Variants in RALGPS2 observed in about 807,000 individuals in gnomAD.
RALGPS2 encodes Ral GEF with PH domain and SH3 binding motif 2, also known as ras-specific guanine nucleotide-releasing factor RalGPS2.
RALGPS2 carries 43 observed loss-of-function variants against 86.8 expected under a neutral mutation model. The ratio of observed to expected loss-of-function variants is 0.50; its 90% CI spans 0.39 to 0.64. The LOEUF is 0.64. Ranked by LOEUF, RALGPS2 falls within the 30% of genes least tolerant of loss-of-function variation. The pLI is 0.00. For synonymous variants in RALGPS2, 243 were observed against 231.3 expected, an observed-to-expected ratio of 1.05 and a Z score of -0.46; for missense variants, 536 against 694.6, an observed-to-expected ratio of 0.77 and a Z score of 2.57.
At chr1:178,892,350 G>T in intron 15 of RALGPS2, 43 bp downstream of exon 15, 1 of 1,551,310 alleles carries the variant, frequency 6.4e-7, no homozygotes, top group Non-Finnish European at 8.9e-7. Flanking sequence ...CTCCCTTATG[G>T]TGTTGGTGAT....
chr1:178,784,360 T>C, intron 2 of RALGPS2, 58 bp from the exon 3 acceptor site: 1 of 1,362,490 alleles, frequency 7.3e-7, no homozygotes, highest in Non-Finnish European at 1.0e-6. Context: ...CAATCTAGTT[T>C]CTATCACTTG....
chr1:178,769,082 G>A lies in RALGPS2; in HGVS notation c.-83-7600G>A, dbSNP rs1265735251. 2.0e-5 allele frequency among the ~76,000 whole-genome samples: 3 copies of A among 151,534 alleles called. No individual in the cohort carries two copies. In the East Asian group the frequency reaches 5.9e-4, roughly 30 times the overall value. ...CCCCTGCACCTGGATCTCTGCACAG[G>A]AAAGGTGGGGCTGTTCAGGCTACCA... On this transcript the variant is annotated intron_variant, in intron 1 of 19. Transcript: ENST00000367635.
chr1:178,748,333 AAAG>A (rs1342312686), intron 1 of RALGPS2, among the ~76,000 whole-genome samples: 58 of 152,152 alleles, frequency 3.8e-4, no homozygotes, highest in African/African-American at 6.0e-4. Flanking sequence ...AAAAAAAAAA[AAAG>A]AAGTTAACGT....
chr1:178,911,124 A>G (rs1660605354), intron 19 of RALGPS2, among the ~76,000 whole-genome samples: 1 of 151,754 alleles, frequency 6.6e-6, no homozygotes, highest in South Asian at 2.1e-4. Context: ...TCTGATTGTG[A>G]TTATTTGGAT....
At chr1:178,785,222 G>A (rs1653592420) in intron 3 of RALGPS2, among the ~76,000 whole-genome samples, 1 of 151,984 alleles carries the variant, frequency 6.6e-6, no homozygotes, top group Non-Finnish European at 1.5e-5. Context: ...ACCACTGTTT[G>A]AGGAGCTGTA....
At chr1:178,779,255 G>A (rs1653260522) in intron 2 of RALGPS2, among the ~76,000 whole-genome samples, 1 of 152,238 alleles carries the variant, frequency 6.6e-6, no homozygotes, top group South Asian at 2.1e-4. Context: ...TATTATGATT[G>A]TATTTTTGCC....
intron 1 of RALGPS2, among the ~76,000 whole-genome samples, chr1:178,743,007 G>A (rs1321697470): frequency 4.6e-5 from 7 of 152,182 alleles, no homozygotes; most frequent in Non-Finnish European, 8.8e-5. Context: ...CTTATGGCCA[G>A]GAGTTCAAGG....
Position 178,785,585 on chromosome 1 carries a change from T to C in RALGPS2, c.191T>C (p.Val64Ala). Residue 64 changes from valine (V) to alanine (A), a missense_variant, in exon 4 of 20, where the codon GTA (valine) becomes GCA (alanine). Val to Ala is a moderately conservative substitution (Grantham distance 64). Coordinates refer to ENST00000367635, the MANE Select transcript of RALGPS2 (RefSeq NM_152663.5). ...CAGATAACATTAATGGATGTTCCAG[T>C]ATTTAAAGCTATTCAACCAGATGTA... Reference protein sequence around the residue: ...AGQITLMDVPVFKAIQPDELS... With the variant: ...AGQITLMDVPAFKAIQPDELS... 1 of 1,584,078 alleles carries C rather than the reference T, an allele frequency of 6.3e-7. No individual in the cohort carries two copies. The highest frequency in any genetic ancestry group is 8.6e-7 in the Non-Finnish European group (1 of 1,166,492).
At chr1:178,801,692 AAG>A (rs1279883304) in intron 4 of RALGPS2, among the ~76,000 whole-genome samples, 1 of 152,160 alleles carries the variant, frequency 6.6e-6, no homozygotes, top group Non-Finnish European at 1.5e-5. Flanking sequence ...GAAATCATGA[AAG>A]AGATTGTGGA....
At chr1:178,761,824 T>C (rs1166527807) in intron 1 of RALGPS2, among the ~76,000 whole-genome samples, 2 of 152,122 alleles carry the variant, frequency 1.3e-5, no homozygotes, top group East Asian at 3.9e-4. Flanking sequence ...ACCTCCTGTT[T>C]TTAAATTTAA....
intron 13 of RALGPS2, among the ~76,000 whole-genome samples, chr1:178,888,467 A>G (rs1021844442): frequency 6.6e-6 from 1 of 152,182 alleles, no homozygotes; most frequent in African/African-American, 2.4e-5. Context: ...ATCCTAGATA[A>G]TCTTGAGTAG....
At position 178,892,282 on chromosome 1, in the gene RALGPS2, T is replaced by G. The variant is rs1044517209; in HGVS notation, c.1300T>G (p.Tyr434Asp). ...GPVTRVARNGYRSHMKASSSA... is the reference protein window; with the variant it reads ...GPVTRVARNGDRSHMKASSSA... ...GGTGACAAGAGTGGCACGAAATGGCTATCGAAGTCACATGAAGGCCAGCAG... is the reference window on the plus strand; with the variant it reads ...GGTGACAAGAGTGGCACGAAATGGCGATCGAAGTCACATGAAGGCCAGCAG... The change falls in exon 15 of 20, where the codon TAT becomes GAT. Residue 434 changes from tyrosine to aspartate, a missense_variant. This residue lies in a region of RALGPS2 where 309 missense variants were observed against 363.0 expected (regional missense o/e 0.85). Coordinates refer to ENST00000367635, the MANE Select transcript of RALGPS2 (RefSeq NM_152663.5). 4.3e-6 allele frequency: 7 copies of G among 1,612,714 alleles called. No homozygotes were observed. The highest frequency in any genetic ancestry group is 5.1e-6 in the Non-Finnish European group (6 of 1,179,066).
intron 8 of RALGPS2, among the ~76,000 whole-genome samples, chr1:178,846,513 AT>A (rs1294074199): frequency 6.6e-6 from 1 of 151,964 alleles, no homozygotes; most frequent in East Asian, 1.9e-4. Context: ...TCATTTATAT[AT>A]TTTTTTACCC....
intron 1 of RALGPS2, among the ~76,000 whole-genome samples, chr1:178,741,346 C>G (rs139059735): frequency 6.6e-6 from 1 of 152,288 alleles, no homozygotes; most frequent in Non-Finnish European, 1.5e-5. Context: ...ATGTAACGGG[C>G]AGAAATAGAA....
intron 5 of RALGPS2, among the ~76,000 whole-genome samples, 177 bp from the exon 6 acceptor site, chr1:178,811,138 A>G (rs1200146173): frequency 1.3e-5 from 2 of 152,118 alleles, no homozygotes; most frequent in African/African-American, 2.4e-5. Context: ...ATTCTACTCA[A>G]TCTAAATAAA....
intron 1 of RALGPS2, among the ~76,000 whole-genome samples, chr1:178,765,755 T>G (rs1652473819): frequency 6.6e-6 from 1 of 152,182 alleles, no homozygotes; most frequent in Non-Finnish European, 1.5e-5. Flanking sequence ...TTCAGAGATC[T>G]CCCTTTGGTA....
intron 8 of RALGPS2, among the ~76,000 whole-genome samples, chr1:178,840,575 C>T (rs1298260654): frequency 2.0e-5 from 3 of 152,156 alleles, no homozygotes; most frequent in Non-Finnish European, 2.9e-5. Flanking sequence ...GACACCCTAA[C>T]ATCACAATTG....
At chr1:178,795,300 C>T (rs759817656) in intron 4 of RALGPS2, among the ~76,000 whole-genome samples, 12 of 152,122 alleles carry the variant, frequency 7.9e-5, no homozygotes, top group Non-Finnish European at 1.8e-4. Flanking sequence ...TAATAAGCCC[C>T]TCTATATAAC....
At chr1:178,781,074 A>G (rs2102118945) in intron 2 of RALGPS2, among the ~76,000 whole-genome samples, 1 of 152,128 alleles carries the variant, frequency 6.6e-6, no homozygotes, top group South Asian at 2.1e-4. Context: ...CTGTTCTAGT[A>G]TCATAGGAAG....
Sources: gnomAD v4.1 joint callset for allele counts (sites outside exome capture counted in the v4.1 genomes callset) on GRCh38, gnomAD v4.1.1 for gene constraint, gnomAD v4.1.1 regional missense constraint, MANE v1.5 for transcripts, NCBI Gene and HGNC (gene_info 2026-07-23, HGNC 2026-07-21) for gene names.